SHOC2: variants seen among roughly 807,000 people sequenced by gnomAD.
SHOC2 encodes the protein SHOC2 leucine rich repeat scaffold protein.
Under a neutral mutation model 50.2 loss-of-function variants are expected in SHOC2, and 4 were observed. The observed-to-expected ratio is 0.08, with a 90% CI of 0.04 to 0.18. SHOC2 has a LOEUF of 0.18. Ranked by LOEUF, SHOC2 falls within the 10% of genes least tolerant of loss-of-function variation. The pLI is 1.00. For synonymous variants in SHOC2, 218 were observed against 244.5 expected, an observed-to-expected ratio of 0.89 and a Z score of 1.01; for missense variants, 388 against 669.6, an observed-to-expected ratio of 0.58 and a Z score of 4.64.
chr10:110,997,099 T>G (rs1204557623), intron 3 of SHOC2, among the ~76,000 whole-genome samples: 1 of 152,218 alleles, frequency 6.6e-6, no homozygotes, highest in South Asian at 2.1e-4. Flanking sequence ...ATTGCTAAGA[T>G]ATTACATTTT....
At chr10:110,969,946 T>A (rs1436510095) in intron 2 of SHOC2, among the ~76,000 whole-genome samples, 5 of 152,236 alleles carry the variant, frequency 3.3e-5, no homozygotes, top group Non-Finnish European at 5.9e-5. Flanking sequence ...TACAATGTGA[T>A]GTTTCCATAC....
chr10:110,968,077 C>G (rs944401233), intron 2 of SHOC2, among the ~76,000 whole-genome samples: 7 of 152,174 alleles, frequency 4.6e-5, no homozygotes, highest in Non-Finnish European at 1.0e-4. Flanking sequence ...ATTTTACATT[C>G]CTACCAGCAG....
chr10:110,947,575 G>C (rs945892893), intron 1 of SHOC2, among the ~76,000 whole-genome samples: 1 of 152,174 alleles, frequency 6.6e-6, no homozygotes, highest in African/African-American at 2.4e-5. Flanking sequence ...AATCTAAAAA[G>C]ATATAAGTTG....
At chr10:110,976,572 A>G (rs1847882199) in intron 2 of SHOC2, among the ~76,000 whole-genome samples, 1 of 152,198 alleles carries the variant, frequency 6.6e-6, no homozygotes, top group African/African-American at 2.4e-5. Context: ...TCAGCCTCCC[A>G]GAATGTTGGG....
At chr10:110,990,384 C>A (rs1043277173) in intron 3 of SHOC2, among the ~76,000 whole-genome samples, 2 of 151,954 alleles carry the variant, frequency 1.3e-5, no homozygotes, top group Non-Finnish European at 2.9e-5. Flanking sequence ...ATGTCTAGCT[C>A]AGGGATTGTA....
intron 1 of SHOC2, among the ~76,000 whole-genome samples, chr10:110,949,351 A>G (rs1847307040): frequency 1.3e-5 from 2 of 152,162 alleles, no homozygotes; most frequent in Non-Finnish European, 2.9e-5. Flanking sequence ...GAAGAAATAG[A>G]AATTTTTTTC....
At chr10:110,961,640 G>C (rs990049082) in intron 1 of SHOC2, among the ~76,000 whole-genome samples, 20 of 152,106 alleles carry the variant, frequency 1.3e-4, no homozygotes, top group Admixed American at 1.3e-3. Flanking sequence ...AGTGCTACAG[G>C]ATGAGTTTGG....
At position 110,953,231 on chromosome 10, in the gene SHOC2, GT is replaced by G. The variant is rs568075425; in HGVS notation, c.-234-10891del. Among the ~76,000 whole-genome samples the G allele has an allele frequency of 3.9e-3, 595 of 152,280 alleles. 5 individuals are homozygous for G. Among genetic ancestry groups the G allele is most frequent in the African/African-American group, 0.014 (577 of 41,550 alleles). ...CTCCACAGCCTGGCCAGAGTCTGTTGTTTCCTTACTTTTTAATAATCACCAT... is the reference window on the plus strand; with the variant it reads ...CTCCACAGCCTGGCCAGAGTCTGTTGTTCCTTACTTTTTAATAATCACCAT... On this transcript the variant is annotated intron_variant, in intron 1 of 8. Coordinates refer to ENST00000369452, the MANE Select transcript of SHOC2 (RefSeq NM_007373.4).
At chr10:110,970,714 T>G (rs1163632089) in intron 2 of SHOC2, among the ~76,000 whole-genome samples, 3 of 134,500 alleles carry the variant, frequency 2.2e-5, no homozygotes, top group Non-Finnish European at 4.7e-5. Flanking sequence ...TTTTTGTTGT[T>G]GTTGTTGTGA....
At chr10:110,960,449 A>G (rs1247144492) in intron 1 of SHOC2, among the ~76,000 whole-genome samples, 2 of 152,178 alleles carry the variant, frequency 1.3e-5, no homozygotes, top group Admixed American at 1.3e-4. Flanking sequence ...GGGATGGGAA[A>G]AGAATATATC....
At chr10:110,932,953 G>C (rs1044176721) in intron 1 of SHOC2, among the ~76,000 whole-genome samples, 1 of 152,112 alleles carries the variant, frequency 6.6e-6, no homozygotes. Context: ...TTCAAAACTT[G>C]TTTTACAACT....
chr10:110,940,939 T>TAGC (rs1163710857), intron 1 of SHOC2, among the ~76,000 whole-genome samples: 2 of 51,672 alleles, frequency 3.9e-5, no homozygotes, highest in African/African-American at 7.5e-5. Context: ...TTTTTTTTTT[T>TAGC]TTTTTTTTTG....
At chr10:110,938,355 A>G (rs1847070042) in intron 1 of SHOC2, among the ~76,000 whole-genome samples, 1 of 152,190 alleles carries the variant, frequency 6.6e-6, no homozygotes, top group African/African-American at 2.4e-5. Flanking sequence ...TAACAGCTTC[A>G]CAGAAAATTT....
rs79465867 is a variant in SHOC2 at position 110,958,728 on chromosome 10, C to CT, written c.-234-5386dup. Among the ~76,000 whole-genome samples the CT allele has an allele frequency of 6.5e-3, 955 of 146,248 alleles. 11 individuals are homozygous for CT. The highest frequency in any genetic ancestry group is 0.022 in the African/African-American group (882 of 40,116). On this transcript the variant is annotated intron_variant, in intron 1 of 8. Transcript: ENST00000369452. ...ATTTGTTCAAAATTTTACTAATTTT[C>CT]TTTTTTTTTTTGTTCCCTGTCTTGA...
chr10:110,956,389 G>T (rs984608217), intron 1 of SHOC2, among the ~76,000 whole-genome samples: 1 of 151,862 alleles, frequency 6.6e-6, no homozygotes, highest in Non-Finnish European at 1.5e-5. Context: ...ATTTTTTTTG[G>T]TATTATTAGT....
chr10:111,011,278 G>T (rs2134182579), intron 8 of SHOC2, among the ~76,000 whole-genome samples: 1 of 152,234 alleles, frequency 6.6e-6, no homozygotes, highest in African/African-American at 2.4e-5. Flanking sequence ...TGTTATATAT[G>T]TGCCAAACTA....
chr10:110,984,521 A>G (rs56331530), intron 2 of SHOC2, among the ~76,000 whole-genome samples: 14,643 of 152,068 alleles, frequency 0.096, 971 homozygotes, highest in Non-Finnish European at 0.14. Context: ...TCTAACATCG[A>G]TTTTTCTTTT....
At position 111,000,536 on chromosome 10, in the gene SHOC2, T is replaced by C; in HGVS notation, c.963T>C (p.Thr321=). Reference sequence around the variant, plus strand: ...ATTTAGAGAACAATAACATTTCTACTTTACCAGAGGTAAGAAGTGGATTAG... The same window carrying C: ...ATTTAGAGAACAATAACATTTCTACCTTACCAGAGGTAAGAAGTGGATTAG... ...ELNLENNNIS[T]LPESLLSSLV... Residue 321 remains threonine (T), a synonymous_variant, in exon 4 of 9, where the codon ACT becomes ACC. Transcript: ENST00000369452. 1.2e-6 allele frequency: 2 copies of C among 1,611,450 alleles called. No homozygotes were observed. The highest frequency in any genetic ancestry group is 1.7e-6 in the Non-Finnish European group (2 of 1,178,094).
At chr10:110,936,835 T>C (rs1386467608) in intron 1 of SHOC2, 3 of 1,327,552 alleles carry the variant, frequency 2.3e-6, no homozygotes, top group Non-Finnish European at 3.2e-6. Context: ...AGGCAAACTT[T>C]CTTGTAGGCT....
Sources: allele counts gnomAD v4.1 joint callset (sites outside exome capture counted in the v4.1 genomes callset), GRCh38; gene constraint gnomAD v4.1.1; transcripts MANE v1.5; gene names NCBI Gene and HGNC (gene_info 2026-07-23, HGNC 2026-07-21).